The following PGM2L1 variants were observed in gnomAD, a reference collection of about 807,000 sequenced individuals.
PGM2L1 encodes the protein glucose 1,6-bisphosphate synthase.
A neutral mutation model predicts 73.4 loss-of-function variants in PGM2L1; 35 were observed. The ratio of observed to expected loss-of-function variants is 0.48; its 90% CI spans 0.36 to 0.63. PGM2L1 has a LOEUF of 0.63. PGM2L1 is among the 30% of genes least tolerant of loss of function. PGM2L1 has a pLI of 0.00. For missense variants in PGM2L1, 570 were observed against 742.0 expected (o/e 0.77, Z 2.69); for synonymous variants, 225 against 253.8 (o/e 0.89, Z 1.08).
intron 1 of PGM2L1, among the ~76,000 whole-genome samples, chr11:74,376,945 G>A (rs1397670078): frequency 6.6e-6 from 1 of 152,026 alleles, no homozygotes; most frequent in Non-Finnish European, 1.5e-5. Flanking sequence ...CATTAATTTA[G>A]ATGTTGATGT....
At chr11:74,382,967 C>A (rs1201564480) in intron 1 of PGM2L1, among the ~76,000 whole-genome samples, 3 of 152,160 alleles carry the variant, frequency 2.0e-5, no homozygotes, top group African/African-American at 7.2e-5. Flanking sequence ...TACAGAGGGA[C>A]TATAAATCAA....
At chr11:74,355,345 G>A in intron 5 of PGM2L1, 1 of 702,890 alleles carries the variant, frequency 1.4e-6, no homozygotes, top group Non-Finnish European at 2.6e-6. Flanking sequence ...CCTGAGGTCA[G>A]GAGTTCAACA....
intron 5 of PGM2L1, among the ~76,000 whole-genome samples, chr11:74,364,099 A>T (rs934444863): frequency 6.6e-6 from 1 of 152,212 alleles, no homozygotes; most frequent in African/African-American, 2.4e-5. Context: ...CATAAACAGA[A>T]CCAAAGACAA....
At chr11:74,348,371 C>T (rs1357076758) in intron 6 of PGM2L1, among the ~76,000 whole-genome samples, 1 of 152,106 alleles carries the variant, frequency 6.6e-6, no homozygotes, top group African/African-American at 2.4e-5. Context: ...CAAACATATG[C>T]ATAGGAAGAC....
Position 74,346,886 on chromosome 11 carries a change from C to T in PGM2L1, c.940-57G>A, listed in dbSNP as rs3741130. ...CTGAAGAACCTAAGTTCAATGTTAACGTTCCTGTATGTAGGCACAATGTTA... is the reference window on the plus strand; with the variant it reads ...CTGAAGAACCTAAGTTCAATGTTAATGTTCCTGTATGTAGGCACAATGTTA... On this transcript the variant is annotated intron_variant, in intron 7 of 13. Coordinates refer to ENST00000298198, the MANE Select transcript of PGM2L1 (RefSeq NM_173582.6). The T allele has an allele frequency of 0.62, 828,039 of 1,329,062 alleles. 264,319 individuals are homozygous for T. The highest frequency in any genetic ancestry group is 0.76 in the East Asian group (33,017 of 43,482). The allele number at this position is 1,329,062 out of a possible 1,614,324, so 82.3% of individuals were successfully genotyped here.
At chr11:74,397,745 AT>A (rs71065081) in intron 1 of PGM2L1, 2,822 of 149,914 alleles carry the variant, frequency 0.019, 34 homozygotes, top group Middle Eastern at 0.063. Flanking sequence ...AATGATGATG[AT>A]TTTTTTTTTT....
chr11:74,335,719 T>C lies in PGM2L1; in HGVS notation c.*933A>G, dbSNP rs933041503. 1.3e-5 allele frequency: 2 copies of C among 152,638 alleles called. No homozygotes were observed. The highest frequency in any genetic ancestry group is 3.9e-4 in the East Asian group (2 of 5,188). The allele number at this position is 152,638 out of a possible 1,614,324, so 9.5% of individuals were successfully genotyped here. ...TCAGATTTTTTTCTGTAATAAAAGGTTTGATAAATGACACAATTCTAATAT... is the reference window on the plus strand; with the variant it reads ...TCAGATTTTTTTCTGTAATAAAAGGCTTGATAAATGACACAATTCTAATAT... On this transcript the variant is annotated 3_prime_UTR_variant, in exon 14 of 14. Coordinates refer to ENST00000298198, the MANE Select transcript of PGM2L1 (RefSeq NM_173582.6).
At chr11:74,344,696 T>A (rs1862235843) in intron 9 of PGM2L1, among the ~76,000 whole-genome samples, 1 of 142,524 alleles carries the variant, frequency 7.0e-6, no homozygotes, top group South Asian at 2.1e-4. Flanking sequence ...CCATTATACT[T>A]CTTCTTGCTA....
chr11:74,348,681 T>C (rs1862304457), intron 6 of PGM2L1, among the ~76,000 whole-genome samples: 1 of 152,202 alleles, frequency 6.6e-6, no homozygotes, highest in South Asian at 2.1e-4. Flanking sequence ...AAGTCTCTTT[T>C]AATCTGTAAA....
intron 1 of PGM2L1, among the ~76,000 whole-genome samples, chr11:74,384,853 A>G (rs904909294): frequency 6.6e-6 from 1 of 152,200 alleles, no homozygotes; most frequent in African/African-American, 2.4e-5. Context: ...AACCTAAAGT[A>G]AGAGTGTTTT....
chr11:74,388,986 CA>C (rs1176053236), intron 1 of PGM2L1, among the ~76,000 whole-genome samples: 1 of 152,144 alleles, frequency 6.6e-6, no homozygotes, highest in Non-Finnish European at 1.5e-5. Flanking sequence ...TCTAAAAAGC[CA>C]AACAGACATA....
chr11:74,361,837 A>T (rs990857446), intron 5 of PGM2L1, among the ~76,000 whole-genome samples: 2 of 151,754 alleles, frequency 1.3e-5, no homozygotes, highest in African/African-American at 4.9e-5. Flanking sequence ...GCAAGAAGAG[A>T]AGTTTAGAGA....
intron 5 of PGM2L1, among the ~76,000 whole-genome samples, chr11:74,358,290 T>G (rs1862494635): frequency 6.6e-6 from 1 of 152,212 alleles, no homozygotes; most frequent in African/African-American, 2.4e-5. Flanking sequence ...CACTGAATTT[T>G]GCTGTGAATC....
intron 12 of PGM2L1, among the ~76,000 whole-genome samples, chr11:74,342,239 C>T (rs535801119): frequency 2.6e-5 from 4 of 152,074 alleles, no homozygotes; most frequent in Non-Finnish European, 2.9e-5. Context: ...TTGGTAAACA[C>T]GTGGACTTGC....
At chr11:74,382,355 T>C (rs1383714296) in intron 1 of PGM2L1, among the ~76,000 whole-genome samples, 2 of 152,198 alleles carry the variant, frequency 1.3e-5, no homozygotes, top group African/African-American at 4.8e-5. Context: ...AGGCCACTCC[T>C]TGTGGCCTCG....
intron 1 of PGM2L1, among the ~76,000 whole-genome samples, chr11:74,377,248 C>T (rs1862869144): frequency 6.6e-6 from 1 of 151,894 alleles, no homozygotes; most frequent in Admixed American, 6.6e-5. Context: ...CATTCTCCTG[C>T]CTCAGCCTCC....
intron 5 of PGM2L1, chr11:74,355,707 C>T: frequency 3.9e-6 from 2 of 510,624 alleles, no homozygotes; most frequent in Non-Finnish European, 7.8e-6. Context: ...GTAGCTATGG[C>T]AGCAGCAGCA....
chr11:74,355,228 A>G, intron 5 of PGM2L1: 7 of 1,392,828 alleles, frequency 5.0e-6, no homozygotes, highest in South Asian at 1.2e-5. Flanking sequence ...GGAAGCTACA[A>G]TGATTTTGGC....
At chr11:74,365,220 T>A (rs1430664239) in intron 5 of PGM2L1, among the ~76,000 whole-genome samples, 3 of 151,860 alleles carry the variant, frequency 2.0e-5, no homozygotes, top group Non-Finnish European at 2.9e-5. Context: ...TAATTCAAGA[T>A]GGATTAAAGA....
Sources: allele counts gnomAD v4.1 joint callset (sites outside exome capture counted in the v4.1 genomes callset), GRCh38; gene constraint gnomAD v4.1.1; transcripts MANE v1.5; gene names NCBI Gene and HGNC (gene_info 2026-07-23, HGNC 2026-07-21).